Variants in SERINC5 observed in about 807,000 individuals in gnomAD.
SERINC5 encodes the protein chromosome 5 open reading frame 12.
SERINC5 carries 41 observed loss-of-function variants against 63.1 expected under a neutral mutation model. The observed-to-expected ratio is 0.65, with a 90% confidence interval of 0.51 to 0.84. The LOEUF is 0.84. Ranked by LOEUF, SERINC5 falls within the 40% of genes least tolerant of loss-of-function variation. SERINC5 has a pLI of 0.00. For synonymous variants in SERINC5, 222 were observed against 215.2 expected (o/e 1.03, Z -0.28); for missense variants, 523 against 573.0 (o/e 0.91, Z 0.89).
chr5:80,227,984 G>A (rs1414649880), intron 1 of SERINC5, among the ~76,000 whole-genome samples: 1 of 151,452 alleles, frequency 6.6e-6, no homozygotes, highest in Non-Finnish European at 1.5e-5. Flanking sequence ...CACTTTGAGA[G>A]GCCAAGGTGG....
intron 1 of SERINC5, 70 bp downstream of exon 1, chr5:80,255,826 C>T: frequency 4.0e-6 from 6 of 1,509,338 alleles, no homozygotes; most frequent in Non-Finnish European, 5.4e-6. Context: ...CCAGGCAGGT[C>T]CTCCACGCCT....
chr5:80,213,710 C>T (rs984026278), intron 1 of SERINC5, among the ~76,000 whole-genome samples: 1 of 152,182 alleles, frequency 6.6e-6, no homozygotes, highest in Non-Finnish European at 1.5e-5. Flanking sequence ...CCTCAGTGAA[C>T]ATGGATGGCT....
intron 11 of SERINC5, 69 bp downstream of exon 11, chr5:80,146,021 C>T (rs1357079402): frequency 1.3e-6 from 2 of 1,540,934 alleles, no homozygotes; most frequent in East Asian, 4.5e-5. Flanking sequence ...AACAAACAAA[C>T]ACGAACAGTA....
intron 11 of SERINC5, among the ~76,000 whole-genome samples, chr5:80,121,569 C>T (rs1206207728): frequency 6.6e-6 from 1 of 152,136 alleles, no homozygotes; most frequent in Non-Finnish European, 1.5e-5. Flanking sequence ...CTATATCATA[C>T]ACTTTTGGGA....
At chr5:80,246,625 CA>C (rs1752182236) in intron 1 of SERINC5, among the ~76,000 whole-genome samples, 1 of 152,178 alleles carries the variant, frequency 6.6e-6, no homozygotes, top group African/African-American at 2.4e-5. Flanking sequence ...TAAACATCAG[CA>C]ATTTTAATCT....
intron 10 of SERINC5, 90 bp from the exon 11 acceptor site, chr5:80,146,324 T>C: frequency 2.7e-6 from 4 of 1,480,182 alleles, no homozygotes; most frequent in Non-Finnish European, 9.3e-7. Context: ...TACAGGGCTG[T>C]CAGTAGAAAA....
intron 2 of SERINC5, among the ~76,000 whole-genome samples, chr5:80,202,510 T>C (rs1028055831): frequency 6.6e-6 from 1 of 152,196 alleles, no homozygotes; most frequent in African/African-American, 2.4e-5. Flanking sequence ...GTACAACGTG[T>C]GTTATTCCCG....
At position 80,140,699 on chromosome 5, in the gene SERINC5, G is replaced by A. The variant is rs904284505; in HGVS notation, c.*2964C>T. 17 of 985,214 alleles carry A rather than the reference G, an allele frequency of 1.7e-5. No individual in the cohort carries two copies. In the African/African-American group the frequency reaches 2.6e-4, roughly 15 times the overall value. 61.0% of individuals were successfully genotyped at this position (985,214 alleles called of 1,614,324 possible). A position where few individuals can be genotyped will look rare whatever the true frequency, so the allele number is the denominator to read the frequency against. On this transcript the variant is annotated 3_prime_UTR_variant, in exon 12 of 12. Coordinates refer to ENST00000507668, the MANE Select transcript of SERINC5 (RefSeq NM_001174072.3). ...CTAGTCTCCAGTCAGGTAACATGCC[G>A]CGGTATGACACTCCCATAAGAACCC...
intron 1 of SERINC5, among the ~76,000 whole-genome samples, chr5:80,221,401 C>T (rs796077225): frequency 2.0e-5 from 3 of 152,172 alleles, no homozygotes; most frequent in African/African-American, 4.8e-5. Context: ...GTTTCCCGTG[C>T]GATCACACAC....
chr5:80,175,624 T>C (rs1747976937), intron 4 of SERINC5, among the ~76,000 whole-genome samples: 1 of 151,902 alleles, frequency 6.6e-6, no homozygotes, highest in Non-Finnish European at 1.5e-5. Flanking sequence ...ATCCTAGCAC[T>C]TTGGGAGGCT....
chr5:80,244,619 G>A (rs1474172493), intron 1 of SERINC5, among the ~76,000 whole-genome samples: 3 of 151,712 alleles, frequency 2.0e-5, no homozygotes, highest in East Asian at 2.0e-4. Flanking sequence ...TCAGGAGTTC[G>A]AGATCAGCCT....
At chr5:80,184,748 A>C (rs1748694442) in intron 2 of SERINC5, among the ~76,000 whole-genome samples, 1 of 152,190 alleles carries the variant, frequency 6.6e-6, no homozygotes, top group East Asian at 1.9e-4. Context: ...CATTTTTGGA[A>C]AAAGAAAAAA....
intron 6 of SERINC5, among the ~76,000 whole-genome samples, chr5:80,168,777 AACAACAATGAGCAAGGTCAGGCTCAC>A (rs1280565901): frequency 2.6e-5 from 4 of 152,190 alleles, no homozygotes; most frequent in African/African-American, 9.7e-5. Flanking sequence ...CCGGCTTTGA[AACAACAATGAGCAAGGTCAGGCTCAC>A]ATGTTTCCAC....
intron 2 of SERINC5, among the ~76,000 whole-genome samples, chr5:80,192,747 C>T (rs182228554): frequency 3.3e-5 from 5 of 152,280 alleles, no homozygotes; most frequent in Admixed American, 1.3e-4. Flanking sequence ...ATACCCAACC[C>T]CTTATGATTA....
chr5:80,193,526 T>A (rs1749326849), intron 2 of SERINC5, among the ~76,000 whole-genome samples: 1 of 152,168 alleles, frequency 6.6e-6, no homozygotes, highest in Non-Finnish European at 1.5e-5. Context: ...CTAAAAGAGA[T>A]CCAGCTGACA....
chr5:80,168,290 G>C (rs1452692670), intron 6 of SERINC5, among the ~76,000 whole-genome samples: 2 of 152,058 alleles, frequency 1.3e-5, no homozygotes, highest in Non-Finnish European at 2.9e-5. Flanking sequence ...CGCCTCCCGG[G>C]TTCAAGCAAT....
chr5:80,140,102 G>A lies in SERINC5; in HGVS notation c.*3561C>T. 1.1e-6 allele frequency: 1 copy of A among 939,678 alleles called. No homozygotes were observed. Among genetic ancestry groups the A allele is most frequent in the South Asian group, 4.9e-5 (1 of 20,292 alleles). The allele number at this position is 939,678 out of a possible 1,614,324, so 58.2% of individuals were successfully genotyped here. A position where few individuals can be genotyped will look rare whatever the true frequency, so the allele number is the denominator to read the frequency against. ...CCCAGCACTTTGGGAAGCCAAGGCG[G>A]GCACATTGCTTGAGCTCAGGAGTTT... On this transcript the variant is annotated 3_prime_UTR_variant, in exon 12 of 12. Coordinates refer to ENST00000507668, the MANE Select transcript of SERINC5 (RefSeq NM_001174072.3).
rs1745455179 is a variant in SERINC5, at chr5:80,140,677, G to A, written c.*2986C>T. ...AGGCTTATAATGGAAATAGTCTCTA[G>A]TCTCCAGTCAGGTAACATGCCGCGG... is the stretch of plus-strand genomic sequence containing the variant. On this transcript the variant is annotated 3_prime_UTR_variant, in exon 12 of 12. Transcript: ENST00000507668. 35 of 985,118 alleles carry A rather than the reference G, an allele frequency of 3.6e-5. No individual in the cohort carries two copies. Among genetic ancestry groups the A allele is most frequent in the Non-Finnish European group, 4.0e-5 (33 of 829,864 alleles). 61.0% of individuals were successfully genotyped at this position (985,118 alleles called of 1,614,324 possible). A position where few individuals can be genotyped will look rare whatever the true frequency, so the allele number is the denominator to read the frequency against.
chr5:80,229,308 G>GC (rs1037993606), intron 1 of SERINC5, among the ~76,000 whole-genome samples: 13 of 149,482 alleles, frequency 8.7e-5, no homozygotes, highest in Non-Finnish European at 1.8e-4. Context: ...ACAGGGGTGA[G>GC]CCACCATTCC....
Sources: gnomAD v4.1 joint callset for allele counts (sites outside exome capture counted in the v4.1 genomes callset) on GRCh38, gnomAD v4.1.1 for gene constraint, MANE v1.5 for transcripts, NCBI Gene and HGNC (gene_info 2026-07-23, HGNC 2026-07-21) for gene names.